SIRT2: variants seen among roughly 807,000 people sequenced by gnomAD.
SIRT2 encodes sirtuin 2, also known as NAD-dependent protein deacetylase sirtuin-2.
Under a neutral mutation model 57.4 loss-of-function variants are expected in SIRT2, and 40 were observed. The ratio of observed to expected loss-of-function variants is 0.70; its 90% CI spans 0.54 to 0.91. SIRT2 has a LOEUF of 0.91. Among genes scored for constraint, SIRT2 ranks in the 40% least tolerant of loss-of-function variants. The pLI is 0.00. For synonymous variants in SIRT2, 161 were observed against 195.7 expected (o/e 0.82, Z 1.48); for missense variants, 439 against 510.4 (o/e 0.86, Z 1.35).
At position 38,893,496 on chromosome 19, in the gene SIRT2, C is replaced by A. The variant is rs760784746; in HGVS notation, c.144G>T (p.Thr48=). ...MDFLRNLFSQ[T]LSLGSQKERL... is the part of the protein sequence containing the mutation. Reference sequence around the variant, plus strand: ...GCTCCTTCTGGCTGCCCAGGCTGAGCGTCTGGGAGAATAAGTTCCGCAGGA... The same window carrying A: ...GCTCCTTCTGGCTGCCCAGGCTGAGAGTCTGGGAGAATAAGTTCCGCAGGA... Residue 48 remains threonine, a synonymous_variant, in exon 4 of 16, where the codon ACG becomes ACT. Coordinates refer to ENST00000249396, the MANE Select transcript of SIRT2 (RefSeq NM_012237.4). 1 of 1,613,404 alleles carries A rather than the reference C, an allele frequency of 6.2e-7. No individual in the cohort carries two copies. The highest frequency in any genetic ancestry group is 1.3e-5 in the African/African-American group (1 of 74,866).
At chr19:38,879,345 C>G in intron 15 of SIRT2, 35 bp from the exon 16 acceptor site, 1 of 1,611,942 alleles carries the variant, frequency 6.2e-7, no homozygotes, top group South Asian at 1.1e-5. Context: ...TCAAAGGTCA[C>G]TGTGCATCAT....
Position 38,898,177 on chromosome 19 carries a change from G to A in SIRT2, c.63+202C>T, listed in dbSNP as rs189047012. Among the ~76,000 whole-genome samples, 182 of 152,366 alleles carry A rather than the reference G, an allele frequency of 1.2e-3. 1 individual carries two copies. Among genetic ancestry groups the A allele is most frequent in the East Asian group, 2.3e-3 (12 of 5,186 alleles). On this transcript the variant is annotated intron_variant, in intron 2 of 15. Transcript: ENST00000249396. ...GAAGAAGGAAAGTTTGGGAGGACAG[G>A]CCTGGACTTGAGGCTGGAAACTCTT...
intron 8 of SIRT2, among the ~76,000 whole-genome samples, chr19:38,885,647 G>A (rs548789520): frequency 1.1e-4 from 16 of 147,918 alleles, no homozygotes; most frequent in Admixed American, 4.8e-4. Flanking sequence ...CTGGAGTGCA[G>A]TGGCGCAATC....
At chr19:38,895,558 G>T (rs1221163095) in intron 2 of SIRT2, among the ~76,000 whole-genome samples, 2 of 152,196 alleles carry the variant, frequency 1.3e-5, no homozygotes, top group Admixed American at 1.3e-4. Flanking sequence ...CCCTTCCCCG[G>T]ATACTCACTG....
intron 4 of SIRT2, chr19:38,890,465 C>A: frequency 2.8e-6 from 1 of 354,128 alleles, no homozygotes; most frequent in Non-Finnish European, 5.3e-6. Context: ...CTGAGGCAGG[C>A]GGGTCATCTG....
rs757636746 is a variant in SIRT2 at position 38,893,869 on chromosome 19, T to C, written c.64-2A>G. 1.2e-6 allele frequency: 2 copies of C among 1,613,688 alleles called. No homozygotes were observed. Among genetic ancestry groups the C allele is most frequent in the African/African-American group, 2.7e-5 (2 of 74,840 alleles). On this transcript the variant is annotated splice_acceptor_variant, in intron 2 of 15. Transcript: ENST00000249396. LOFTEE classifies it high-confidence loss of function. ...TCCCTCAGAGTCTGAATCTGAGTCC[T>C]GGAAGGGGTGGGGTGGAGTGGCCAG...
chr19:38,879,755 G>A (rs903751426), intron 13 of SIRT2, 53 bp from the exon 14 acceptor site: 14 of 1,388,482 alleles, frequency 1.0e-5, no homozygotes, highest in Admixed American at 2.1e-5. Context: ...AGAGCTAAGA[G>A]CACAGACCCT....
Position 38,881,426 on chromosome 19 carries a change from G to C in SIRT2, c.691+6C>G. The C allele has an allele frequency of 1.9e-6, 3 of 1,613,904 alleles. No homozygotes were observed. The highest frequency in any genetic ancestry group is 2.5e-6 in the Non-Finnish European group (3 of 1,179,824). On this transcript the variant is annotated splice_donor_region_variant and intron_variant, in intron 10 of 15. Coordinates refer to ENST00000249396, the MANE Select transcript of SIRT2 (RefSeq NM_012237.4). ...CACCTGGGCAGGTCCCTGGCCAGAG[G>C]CTCACCAGGCTTCACCAGGCTCTGA...
chr19:38,894,884 C>T lies in SIRT2; in HGVS notation c.64-1017G>A, dbSNP rs190780311. 2.7e-3 allele frequency: 1,241 copies of T among 456,220 alleles called. 4 individuals carry two copies. Among genetic ancestry groups the T allele is most frequent in the Non-Finnish European group, 3.8e-3 (870 of 226,946 alleles). 28.3% of individuals were successfully genotyped at this position (456,220 alleles called of 1,614,324 possible). On this transcript the variant is annotated intron_variant, in intron 2 of 15. Transcript: ENST00000249396. ...TGCCTCGTCACTCATGATACCATCT[C>T]TCTGCCCTCAGATCCGGGGTTCCCT... is the stretch of plus-strand genomic sequence containing the variant.
At chr19:38,893,049 C>A (rs886713407) in intron 4 of SIRT2, among the ~76,000 whole-genome samples, 15 of 151,786 alleles carry the variant, frequency 9.9e-5, no homozygotes, top group Admixed American at 9.2e-4. Context: ...TTGACTCAAC[C>A]GGGACCAATG....
rs1023721423 is a variant in SIRT2 at position 38,880,393 on chromosome 19, G to A, written c.876+292C>T. On this transcript the variant is annotated intron_variant, in intron 13 of 15. Transcript: ENST00000249396. This position sits in a 1 kb window ranked among gnomAD's most constrained non-coding sequence, Gnocchi z 4.1. ...AGACCCAGAGCGTGGACCCAACCCC[G>A]CCCCCCGCACTGTCTCTCCTGACCC... 3.7e-5 allele frequency: 11 copies of A among 300,218 alleles called. No individual in the cohort carries two copies. The highest frequency in any genetic ancestry group is 9.5e-5 in the Admixed American group (2 of 21,126). 18.6% of individuals were successfully genotyped at this position (300,218 alleles called of 1,614,324 possible). A position where few individuals can be genotyped will look rare whatever the true frequency, so the allele number is the denominator to read the frequency against.
chr19:38,899,251 A>G (rs1453621722), intron 1 of SIRT2, among the ~76,000 whole-genome samples: 1 of 152,150 alleles, frequency 6.6e-6, no homozygotes, highest in African/African-American at 2.4e-5. Context: ...GAGGGACCTT[A>G]GCAACCAAGG....
Position 38,880,979 on chromosome 19 carries a change from C to G in SIRT2, c.748-82G>C. ...CCCCCGCCCCCAGCAGCAAACCTCC[C>G]TGCCGCCCCCCATAGCTGGGGAGGT... On this transcript the variant is annotated intron_variant, in intron 11 of 15. Coordinates refer to ENST00000249396, the MANE Select transcript of SIRT2 (RefSeq NM_012237.4). The surrounding 1 kb of genome is among the most constrained non-coding windows in gnomAD (Gnocchi z 4.1). 1 of 1,553,066 alleles carries G rather than the reference C, an allele frequency of 6.4e-7. No individual in the cohort carries two copies. The highest frequency in any genetic ancestry group is 8.8e-7 in the Non-Finnish European group (1 of 1,131,080).
chr19:38,893,628 A>G (rs1339368819), intron 3 of SIRT2, 101 bp from the exon 4 acceptor site: 1 of 1,182,512 alleles, frequency 8.5e-7, no homozygotes, highest in Non-Finnish European at 1.2e-6. Context: ...CGGCCTCCCC[A>G]CATCTAAAGG....
At chr19:38,896,573 T>C (rs1366400355) in intron 2 of SIRT2, among the ~76,000 whole-genome samples, 1 of 152,168 alleles carries the variant, frequency 6.6e-6, no homozygotes, top group Non-Finnish European at 1.5e-5. Flanking sequence ...CATAGTTCAT[T>C]TAACCCATCC....
intron 3 of SIRT2, 101 bp downstream of exon 3, chr19:38,893,718 G>A (rs1973621061): frequency 1.3e-5 from 19 of 1,424,850 alleles, no homozygotes; most frequent in Non-Finnish European, 1.9e-5. Flanking sequence ...TACTTTGGAT[G>A]TCACTCCTGA....
intron 8 of SIRT2, among the ~76,000 whole-genome samples, chr19:38,886,122 G>A (rs1157997673): frequency 6.6e-6 from 1 of 152,090 alleles, no homozygotes; most frequent in Non-Finnish European, 1.5e-5. Context: ...CGTTTCCCAG[G>A]GACTCCAGAA....
intron 9 of SIRT2, among the ~76,000 whole-genome samples, chr19:38,883,388 C>T (rs967147641): frequency 6.6e-6 from 1 of 152,062 alleles, no homozygotes; most frequent in East Asian, 1.9e-4. Context: ...TGCTCCTGGC[C>T]TACTATCATA....
At chr19:38,883,874 A>G in intron 8 of SIRT2, 118 bp from the exon 9 acceptor site, 1 of 1,078,298 alleles carries the variant, frequency 9.3e-7, no homozygotes, top group East Asian at 2.6e-5. Flanking sequence ...CAGGTGGAGA[A>G]GGGAGGGAGG....
Sources: allele counts gnomAD v4.1 joint callset (sites outside exome capture counted in the v4.1 genomes callset), GRCh38; gene constraint gnomAD v4.1.1; non-coding constraint Gnocchi (gnomAD v3.1); transcripts MANE v1.5; gene names NCBI Gene and HGNC (gene_info 2026-07-23, HGNC 2026-07-21).